The following CRPPA variants were observed in gnomAD, a reference collection of about 807,000 sequenced individuals.
The protein encoded by CRPPA is D-ribitol-5-phosphate cytidylyltransferase.
A neutral mutation model predicts 52.0 loss-of-function variants in CRPPA; 43 were observed. The ratio of observed to expected loss-of-function variants is 0.83; its 90% confidence interval spans 0.65 to 1.07. CRPPA has a LOEUF of 1.07. CRPPA is among the 50% of genes least tolerant of loss of function. The pLI is 0.00. For synonymous variants in CRPPA, 250 were observed against 203.5 expected (o/e 1.23, Z -1.94); for missense variants, 629 against 551.7 (o/e 1.14, Z -1.40).
intron 9 of CRPPA, among the ~76,000 whole-genome samples, chr7:16,196,435 A>C (rs1781737336): frequency 6.6e-6 from 1 of 152,202 alleles, no homozygotes; most frequent in African/African-American, 2.4e-5. Context: ...AATACCTTTC[A>C]TTTAGCAGCT....
intron 9 of CRPPA, among the ~76,000 whole-genome samples, chr7:16,093,399 G>A (rs1377337046): frequency 2.0e-5 from 3 of 152,026 alleles, no homozygotes; most frequent in South Asian, 4.1e-4. Context: ...TATTATTGAA[G>A]CCTCACCACA....
At chr7:16,365,143 C>T (rs912675888) in intron 3 of CRPPA, among the ~76,000 whole-genome samples, 3 of 152,164 alleles carry the variant, frequency 2.0e-5, no homozygotes, top group African/African-American at 7.2e-5. Flanking sequence ...CTACCTATAG[C>T]TTCCTCTGGA....
At chr7:16,396,215 T>C (rs2128315763) in intron 2 of CRPPA, among the ~76,000 whole-genome samples, 1 of 152,282 alleles carries the variant, frequency 6.6e-6, no homozygotes, top group South Asian at 2.1e-4. Context: ...CCCCCACACA[T>C]GAATAAAGCC....
In CRPPA at chr7:16,278,130, T is replaced by A. The variant is rs754552248; in HGVS notation, c.932A>T (p.Asn311Ile). 6.7e-7 allele frequency: 1 copy of A among 1,491,788 alleles called. No homozygotes were observed. Among genetic ancestry groups the A allele is most frequent in the Non-Finnish European group, 9.3e-7 (1 of 1,079,594 alleles). 92.4% of individuals were successfully genotyped at this position (1,491,788 alleles called of 1,614,324 possible). Residue 311 changes from asparagine (N) to isoleucine (I), a missense_variant and splice_region_variant, in exon 6 of 10, where the codon AAT becomes ATT. Physicochemically the swap from Asn to Ile is moderately radical, Grantham distance 149. Transcript: ENST00000407010. The stretch of plus-strand genomic sequence containing the variant: ...CAAACTCAGTCTTTGAATACTTACA[T>A]TTAATTCACTTTTCAGCACTTCTTC... ...LLEEVLKSELNHVKVTSEALG... is the reference protein window; with the variant it reads ...LLEEVLKSELIHVKVTSEALG...
chr7:16,286,097 A>AAAAATATATATATATATATAT lies in CRPPA; in HGVS notation c.836-7872_836-7871insATATATATATATATATATTTT. On this transcript the variant is annotated intron_variant, in intron 5 of 9. Transcript: ENST00000407010. ...TATATATATAATATTTAAAAAAAAA[A>AAAAATATATATATATATATAT]ATATATATATATATATATATGCCAA... Among the ~76,000 whole-genome samples the AAAAATATATATATATATATAT allele has an allele frequency of 5.6e-4, 22 of 39,114 alleles. 1 individual carries two copies. The highest frequency in any genetic ancestry group is 7.7e-4 in the Non-Finnish European group (19 of 24,642). The allele number at this position is 39,114 out of a possible 152,430, so 25.7% of individuals were successfully genotyped here. A position where few individuals can be genotyped will look rare whatever the true frequency, so the allele number is the denominator to read the frequency against.
chr7:16,419,085 T>C (rs530991256), intron 1 of CRPPA, among the ~76,000 whole-genome samples: 1 of 152,316 alleles, frequency 6.6e-6, no homozygotes, highest in South Asian at 2.1e-4. Context: ...ATGAAATGGT[T>C]TCAGGGACCC....
intron 2 of CRPPA, among the ~76,000 whole-genome samples, chr7:16,389,918 A>ATATATATATATAT (rs1244722979): frequency 1.3e-4 from 8 of 62,992 alleles, no homozygotes; most frequent in African/African-American, 4.9e-4. Context: ...GTATACAAAA[A>ATATATATATATAT]AAAAAAAAAA....
intron 9 of CRPPA, among the ~76,000 whole-genome samples, chr7:16,203,696 T>C (rs1448554849): frequency 6.6e-6 from 1 of 152,148 alleles, no homozygotes; most frequent in African/African-American, 2.4e-5. Context: ...TATCTTAGAA[T>C]TTTTTCAGTT....
intron 9 of CRPPA, among the ~76,000 whole-genome samples, chr7:16,198,527 G>A (rs1349333046): frequency 8.4e-6 from 1 of 118,700 alleles, no homozygotes; most frequent in Non-Finnish European, 1.7e-5. Flanking sequence ...AAATACTAAG[G>A]GAACTCAGAG....
At chr7:16,309,156 G>A (rs1211614724) in intron 3 of CRPPA, among the ~76,000 whole-genome samples, 1 of 151,882 alleles carries the variant, frequency 6.6e-6, no homozygotes, top group Non-Finnish European at 1.5e-5. Flanking sequence ...CTTTCATTGT[G>A]CGAAAAACTG....
intron 8 of CRPPA, among the ~76,000 whole-genome samples, chr7:16,258,008 C>T (rs1347090147): frequency 2.0e-5 from 3 of 151,994 alleles, no homozygotes; most frequent in Admixed American, 6.6e-5. Flanking sequence ...CTTTCTTCCA[C>T]GAGGTTTTTT....
intron 9 of CRPPA, among the ~76,000 whole-genome samples, chr7:16,206,092 A>C (rs965202354): frequency 6.6e-6 from 1 of 152,286 alleles, no homozygotes; most frequent in Non-Finnish European, 1.5e-5. Context: ...GGTGTATTCT[A>C]AAACCACAAA....
At chr7:16,336,853 T>C (rs372890847) in intron 3 of CRPPA, among the ~76,000 whole-genome samples, 7 of 152,014 alleles carry the variant, frequency 4.6e-5, no homozygotes, top group African/African-American at 1.2e-4. Context: ...GCTATACCTA[T>C]AAAATAGATA....
At chr7:16,412,360 T>C (rs1384307451) in intron 1 of CRPPA, among the ~76,000 whole-genome samples, 1 of 152,206 alleles carries the variant, frequency 6.6e-6, no homozygotes, top group East Asian at 1.9e-4. Context: ...ATGAATTTTC[T>C]TTCAAATGTG....
At chr7:16,381,491 T>C (rs1366532391) in intron 2 of CRPPA, among the ~76,000 whole-genome samples, 2 of 152,022 alleles carry the variant, frequency 1.3e-5, no homozygotes, top group Admixed American at 6.5e-5. Context: ...GAGAGTTCTG[T>C]AGATGTCTAT....
intron 1 of CRPPA, among the ~76,000 whole-genome samples, chr7:16,418,764 A>C (rs972901532): frequency 1.3e-5 from 2 of 152,178 alleles, no homozygotes; most frequent in Non-Finnish European, 2.9e-5. Flanking sequence ...CTCCTTTAAC[A>C]TGCGGGGTTA....
rs576503156 is a variant in CRPPA at position 16,377,850 on chromosome 7, C to G, written c.535-1609G>C. Among the ~76,000 whole-genome samples the G allele has an allele frequency of 7.6e-4, 115 of 152,250 alleles. 1 individual carries two copies. Among genetic ancestry groups the G allele is most frequent in the African/African-American group, 2.6e-3 (110 of 41,564 alleles). ...TATGGCACAGAGGCTAAAATCTATG[C>G]AAGTGTGGACACGAGGTTGAGGCCC... On this transcript the variant is annotated intron_variant, in intron 2 of 9. Coordinates refer to ENST00000407010, the MANE Select transcript of CRPPA (RefSeq NM_001101426.4).
intron 9 of CRPPA, among the ~76,000 whole-genome samples, chr7:16,146,773 A>G (rs1448012549): frequency 6.6e-6 from 1 of 152,158 alleles, no homozygotes; most frequent in African/African-American, 2.4e-5. Context: ...CACACAAAAG[A>G]TAAAGAAAAA....
At chr7:16,279,635 A>G (rs890058516) in intron 5 of CRPPA, among the ~76,000 whole-genome samples, 2 of 152,246 alleles carry the variant, frequency 1.3e-5, no homozygotes, top group South Asian at 4.1e-4. Context: ...ACTGGAGACA[A>G]GATCAGATAA....
Sources: allele counts gnomAD v4.1 joint callset (sites outside exome capture counted in the v4.1 genomes callset), GRCh38; gene constraint gnomAD v4.1.1; transcripts MANE v1.5; gene names NCBI Gene and HGNC (gene_info 2026-07-23, HGNC 2026-07-21).